Variants in MYOM1 observed in about 807,000 individuals in gnomAD.
The protein encoded by MYOM1 is myomesin 1, also known as myomesin-1.
A neutral mutation model predicts 205.3 loss-of-function variants in MYOM1; 164 were observed. The ratio of observed to expected loss-of-function variants is 0.80; its 90% CI spans 0.70 to 0.91. The LOEUF (loss-of-function observed/expected upper bound fraction) is 0.91. MYOM1 is among the 40% of genes least tolerant of loss of function. The probability of loss-of-function intolerance (pLI) is 0.00; values close to 1 mark genes in which losing one functional copy is unlikely to be tolerated. For synonymous variants in MYOM1, 772 were observed against 789.4 expected (o/e 0.98, Z 0.37); for missense variants, 2,011 against 2,127.3 (o/e 0.95, Z 1.08).
intron 4 of MYOM1, among the ~76,000 whole-genome samples, chr18:3,187,857 C>CTTTT (rs763218658): frequency 2.4e-5 from 3 of 124,224 alleles, no homozygotes; most frequent in Non-Finnish European, 3.4e-5. Context: ...ATTTCTTTTT[C>CTTTT]TTTTTTTTTT....
chr18:3,100,508 G>A, intron 23 of MYOM1, 82 bp from the exon 24 acceptor site: 4 of 932,772 alleles, frequency 4.3e-6, no homozygotes, highest in Non-Finnish European at 6.9e-6. Flanking sequence ...GGGCATTTGT[G>A]TATACTACTC....
At chr18:3,113,300 A>C (rs182550118) in intron 21 of MYOM1, among the ~76,000 whole-genome samples, 1 of 17,598 alleles carries the variant, frequency 5.7e-5, no homozygotes, top group Non-Finnish European at 1.2e-4. Context: ...GTTTGTGTCT[A>C]TATATATATA....
At chr18:3,083,421 CTT>C (rs1427363378) in intron 33 of MYOM1, among the ~76,000 whole-genome samples, 2 of 94,126 alleles carry the variant, frequency 2.1e-5, no homozygotes, top group African/African-American at 7.0e-5. Flanking sequence ...TTTTCTTTTT[CTT>C]TTTCTTTTTT....
At chr18:3,193,361 TACACAC>T (rs58632082) in intron 3 of MYOM1, among the ~76,000 whole-genome samples, 2 of 135,882 alleles carry the variant, frequency 1.5e-5, no homozygotes, top group Non-Finnish European at 3.0e-5. Context: ...TATATATATA[TACACAC>T]ACACACACAC....
At chr18:3,102,423 T>C in intron 23 of MYOM1, 51 bp downstream of exon 23, 1 of 1,519,930 alleles carries the variant, frequency 6.6e-7, no homozygotes, top group Non-Finnish European at 8.9e-7. Context: ...GCTCACCTCA[T>C]TCTCCTACAG....
intron 12 of MYOM1, among the ~76,000 whole-genome samples, chr18:3,151,193 A>C (rs983688479): frequency 4.6e-5 from 7 of 151,530 alleles, no homozygotes; most frequent in Non-Finnish European, 1.0e-4. Context: ...CATAGATTAG[A>C]TATAACGTTG....
chr18:3,193,355 T>TACACACACAC (rs568716182), intron 3 of MYOM1, among the ~76,000 whole-genome samples: 90 of 99,782 alleles, frequency 9.0e-4, no homozygotes, highest in African/African-American at 2.4e-3. Context: ...TACATATATA[T>TACACACACAC]ATATATACAC....
chr18:3,138,327 A>G, intron 14 of MYOM1, among the ~76,000 whole-genome samples: 1 of 91,218 alleles, frequency 1.1e-5, no homozygotes, highest in East Asian at 5.8e-4. Context: ...TGGGACTTTA[A>G]GTTTATCAGT....
chr18:3,166,838 T>C (rs1227267219), intron 9 of MYOM1, among the ~76,000 whole-genome samples: 1 of 152,234 alleles, frequency 6.6e-6, no homozygotes, highest in African/African-American at 2.4e-5. Context: ...GTAATCTTAC[T>C]AGTACACTAC....
At chr18:3,101,946 G>A (rs1032856692) in intron 23 of MYOM1, among the ~76,000 whole-genome samples, 1 of 147,792 alleles carries the variant, frequency 6.8e-6, no homozygotes, top group Admixed American at 6.8e-5. Context: ...TCAGCCTCCT[G>A]AGTTGCTAGG....
the MYOM1 span, among the ~76,000 whole-genome samples, chr18:3,231,847 C>CT: frequency 0.017 from 2,084 of 123,768 alleles, 24 homozygotes; most frequent in Non-Finnish European, 0.022. Context: ...CAGCCGCATC[C>CT]TTTTTTTTTT....
At chr18:3,100,532 ACCT>A in intron 23 of MYOM1, 106 bp from the exon 24 acceptor site, 1 of 743,318 alleles carries the variant, frequency 1.3e-6, no homozygotes, top group Non-Finnish European at 2.3e-6. Context: ...TCATCTGGAC[ACCT>A]CCTCTCATCT....
intron 4 of MYOM1, 142 bp downstream of exon 4, chr18:3,188,606 G>A: frequency 1.1e-6 from 1 of 938,738 alleles, no homozygotes; most frequent in East Asian, 2.7e-5. Flanking sequence ...TCCAACCTGG[G>A]GGACAGAGTG....
chr18:3,103,578 A>G (rs2143767550), intron 22 of MYOM1, among the ~76,000 whole-genome samples: 1 of 152,298 alleles, frequency 6.6e-6, no homozygotes, highest in East Asian at 1.9e-4. Context: ...GTTTCAGTAC[A>G]TTAGGAAAAA....
chr18:3,182,352 G>T (rs1320393119), intron 5 of MYOM1, among the ~76,000 whole-genome samples: 1 of 152,130 alleles, frequency 6.6e-6, no homozygotes, highest in Non-Finnish European at 1.5e-5. Flanking sequence ...GTTGATGGGT[G>T]CAGTACACCA....
chr18:3,118,720 G>A (rs2079642706), intron 20 of MYOM1, among the ~76,000 whole-genome samples: 1 of 152,108 alleles, frequency 6.6e-6, no homozygotes, highest in Admixed American at 6.5e-5. Flanking sequence ...ACTTTACTCA[G>A]GAATTGCAAG....
intron 2 of MYOM1, among the ~76,000 whole-genome samples, chr18:3,198,567 G>C (rs2081023164): frequency 6.6e-6 from 1 of 152,106 alleles, no homozygotes. Context: ...GGGTGGATCA[G>C]GAGGTCAGGA....
intron 5 of MYOM1, among the ~76,000 whole-genome samples, chr18:3,187,257 G>C (rs1443695829): frequency 1.3e-5 from 2 of 152,148 alleles, no homozygotes; most frequent in Non-Finnish European, 2.9e-5. Context: ...TTGTATAATA[G>C]GATTATAGAG....
intron 13 of MYOM1, among the ~76,000 whole-genome samples, chr18:3,145,707 T>C (rs1292729853): frequency 6.6e-6 from 1 of 151,896 alleles, no homozygotes; most frequent in Non-Finnish European, 1.5e-5. Flanking sequence ...CCTCAGCTTC[T>C]ACCTTAAGAA....
Sources: allele counts gnomAD v4.1 joint callset (sites outside exome capture counted in the v4.1 genomes callset), GRCh38; gene constraint gnomAD v4.1.1; transcripts MANE v1.5; gene names NCBI Gene and HGNC (gene_info 2026-07-23, HGNC 2026-07-21).